TBC1D12: variants seen among roughly 807,000 people sequenced by gnomAD.
TBC1D12 encodes TBC1 domain family member 12, also known as TBC1 domain family, member 12.
Under a neutral mutation model 86.7 loss-of-function variants are expected in TBC1D12, and 56 were observed. The observed-to-expected ratio is 0.65, with a 90% CI of 0.52 to 0.81. The LOEUF is 0.81. Among genes scored for constraint, TBC1D12 ranks in the 30% least tolerant of loss-of-function variants. TBC1D12 has a pLI of 0.00. For synonymous variants in TBC1D12, 421 were observed against 411.7 expected, an observed-to-expected ratio of 1.02 and a Z score of -0.27; for missense variants, 1,023 against 1,038.8, an observed-to-expected ratio of 0.98 and a Z score of 0.21.
chr10:94,459,103 ATTGGTCCATTTTACAGAGAGCTG>A (rs2055680310), intron 2 of TBC1D12, among the ~76,000 whole-genome samples: 3 of 151,042 alleles, frequency 2.0e-5, no homozygotes, highest in African/African-American at 4.9e-5. Flanking sequence ...CAGAGAGCTG[ATTGGTCCATTTTACAGAGAGCTG>A]ATTGGTCCAT....
intron 1 of TBC1D12, among the ~76,000 whole-genome samples, chr10:94,421,240 T>G (rs2055069496): frequency 6.6e-6 from 1 of 152,198 alleles, no homozygotes; most frequent in Non-Finnish European, 1.5e-5. Flanking sequence ...GCTATTAGTC[T>G]GACTTTTTTA....
At chr10:94,459,557 C>T (rs536757208) in intron 2 of TBC1D12, among the ~76,000 whole-genome samples, 11 of 152,172 alleles carry the variant, frequency 7.2e-5, no homozygotes, top group Admixed American at 1.3e-4. Flanking sequence ...CGGTGCCCGT[C>T]GGGGAGGCTC....
intron 6 of TBC1D12, among the ~76,000 whole-genome samples, chr10:94,502,110 A>G (rs184006179): frequency 6.6e-6 from 1 of 151,450 alleles, no homozygotes; most frequent in East Asian, 2.0e-4. Context: ...ACGCGGGTGG[A>G]TCAACTGAGG....
rs1042002932 is a variant in TBC1D12, at chr10:94,402,561, C to A, written c.-53C>A. Reference sequence around the variant, plus strand: ...CACCCAGAGCTGTTCTCTGGCCAAGCCTGCGCCTGTAGTCCTTCTTTGCCT... The same window carrying A: ...CACCCAGAGCTGTTCTCTGGCCAAGACTGCGCCTGTAGTCCTTCTTTGCCT... On this transcript the variant is annotated 5_prime_UTR_variant, in exon 1 of 13. Transcript: ENST00000225235. 6.3e-7 allele frequency: 1 copy of A among 1,596,028 alleles called. No individual in the cohort carries two copies. Among genetic ancestry groups the A allele is most frequent in the Non-Finnish European group, 8.5e-7 (1 of 1,170,902 alleles).
At chr10:94,465,877 CATGT>C (rs1307402947) in intron 2 of TBC1D12, among the ~76,000 whole-genome samples, 8 of 150,412 alleles carry the variant, frequency 5.3e-5, no homozygotes, top group South Asian at 2.1e-4. Flanking sequence ...TATACACATA[CATGT>C]ATGTATATAC....
At chr10:94,502,503 G>C (rs2056411212) in intron 6 of TBC1D12, among the ~76,000 whole-genome samples, 1 of 151,838 alleles carries the variant, frequency 6.6e-6, no homozygotes, top group East Asian at 1.9e-4. Flanking sequence ...CCAGGAGTTT[G>C]GGACCAGCCT....
intron 3 of TBC1D12, 146 bp from the exon 4 acceptor site, chr10:94,493,219 A>G: frequency 1.5e-6 from 1 of 661,396 alleles, no homozygotes; most frequent in Non-Finnish European, 2.7e-6. Flanking sequence ...TAAAATGCAC[A>G]GTTCTTTTCA....
At chr10:94,532,398 C>T (rs1164291051) in intron 12 of TBC1D12, among the ~76,000 whole-genome samples, 4 of 152,032 alleles carry the variant, frequency 2.6e-5, no homozygotes, top group Non-Finnish European at 5.9e-5. Context: ...AGGATGGTCT[C>T]GATCTCCTGA....
At chr10:94,509,901 A>G (rs1052140643) in intron 7 of TBC1D12, 190 bp from the exon 8 acceptor site, 16 of 516,660 alleles carry the variant, frequency 3.1e-5, no homozygotes, top group Non-Finnish European at 4.7e-5. Flanking sequence ...CTTTCTGATA[A>G]ATGTATAGCT....
chr10:94,472,730 G>A (rs908418091), intron 2 of TBC1D12, among the ~76,000 whole-genome samples: 6 of 152,144 alleles, frequency 3.9e-5, no homozygotes, highest in African/African-American at 9.7e-5. Context: ...TATTAGGAAA[G>A]AAAATTGGAA....
At chr10:94,469,866 G>A (rs556492219) in intron 2 of TBC1D12, among the ~76,000 whole-genome samples, 2 of 152,244 alleles carry the variant, frequency 1.3e-5, no homozygotes, top group South Asian at 4.1e-4. Context: ...TTCCTGCCCT[G>A]ATGTTCAGTA....
At chr10:94,531,070 G>A in intron 11 of TBC1D12, 132 bp from the exon 12 acceptor site, 1 of 1,036,102 alleles carries the variant, frequency 9.7e-7, no homozygotes, top group Non-Finnish European at 1.4e-6. Flanking sequence ...GTGTTGGCCA[G>A]GATGGGAAAG....
intron 9 of TBC1D12, among the ~76,000 whole-genome samples, chr10:94,513,875 T>A (rs551573346): frequency 3.7e-4 from 57 of 152,272 alleles, no homozygotes; most frequent in African/African-American, 1.1e-3. Context: ...ATGATTTTTT[T>A]AAATATAACG....
At position 94,522,097 on chromosome 10, in the gene TBC1D12, A is replaced by G. The variant is rs1199585477; in HGVS notation, c.1890+14A>G. The G allele has an allele frequency of 1.2e-6, 2 of 1,604,204 alleles. No homozygotes were observed. The highest frequency in any genetic ancestry group is 2.2e-5 in the East Asian group (1 of 44,670). Reference sequence around the variant, plus strand: ...GATCACAGCATGGTATGAATGGATCATGTTTTCCATTGTTTCTGTAGTTTG... The same window carrying G: ...GATCACAGCATGGTATGAATGGATCGTGTTTTCCATTGTTTCTGTAGTTTG... On this transcript the variant is annotated intron_variant, in intron 10 of 12. Transcript: ENST00000225235.
chr10:94,530,854 C>CTTTTTTT (rs71031584), intron 11 of TBC1D12, among the ~76,000 whole-genome samples: 2 of 102,666 alleles, frequency 1.9e-5, no homozygotes, highest in Non-Finnish European at 3.8e-5. Flanking sequence ...GGGAGGAAGC[C>CTTTTTTT]TTTTTTTTTT....
chr10:94,493,290 T>TA (rs2056270296), intron 3 of TBC1D12, 75 bp from the exon 4 acceptor site: 1 of 1,193,568 alleles, frequency 8.4e-7, no homozygotes, highest in Non-Finnish European at 1.2e-6. Flanking sequence ...CATCTGGGTG[T>TA]AAAAACAAAT....
chr10:94,403,446 A>G lies in TBC1D12; in HGVS notation c.833A>G (p.Gln278Arg), dbSNP rs1444221647. ...DIHFNSRNTF[Q>R]VSRGQSARDH... is the part of the protein sequence containing the mutation. ...CACTTCAACTCTCGCAACACGTTCC[A>G]GGTGAGCCGCGGTCAGAGCGCCCGC... Residue 278 changes from glutamine to arginine, a missense_variant, in exon 1 of 13, where the codon CAG (glutamine) becomes CGG (arginine). Physicochemically the swap from Gln to Arg is conservative, Grantham distance 43. Coordinates refer to ENST00000225235, the MANE Select transcript of TBC1D12 (RefSeq NM_015188.2). 7 of 1,546,660 alleles carry G rather than the reference A, an allele frequency of 4.5e-6. No homozygotes were observed. Among genetic ancestry groups the G allele is most frequent in the Middle Eastern group, 1.7e-4 (1 of 5,866 alleles).
intron 1 of TBC1D12, among the ~76,000 whole-genome samples, chr10:94,434,548 G>A (rs1027940907): frequency 7.9e-5 from 12 of 151,512 alleles, no homozygotes; most frequent in African/African-American, 2.9e-4. Context: ...AACCATTTTA[G>A]TTAGGGCTCT....
intron 2 of TBC1D12, among the ~76,000 whole-genome samples, chr10:94,444,818 G>A (rs1340537461): frequency 1.4e-5 from 2 of 147,778 alleles, no homozygotes; most frequent in Non-Finnish European, 3.0e-5. Flanking sequence ...TGCAATCTCC[G>A]CCACCCGAGT....
Sources: allele counts gnomAD v4.1 joint callset (sites outside exome capture counted in the v4.1 genomes callset), GRCh38; gene constraint gnomAD v4.1.1; transcripts MANE v1.5; gene names NCBI Gene and HGNC (gene_info 2026-07-23, HGNC 2026-07-21).